Variants in GRIK2 observed in about 807,000 individuals in gnomAD.
GRIK2 encodes the protein glutamate ionotropic receptor kainate type subunit 2.
Under a neutral mutation model 100.3 loss-of-function variants are expected in GRIK2, and 32 were observed. The ratio of observed to expected loss-of-function variants is 0.32; its 90% confidence interval spans 0.24 to 0.43. The LOEUF is 0.43. GRIK2 is among the 20% of genes least tolerant of loss of function. The probability of loss-of-function intolerance (pLI) is 1.00; values close to 1 mark genes in which losing one functional copy is unlikely to be tolerated. For synonymous variants in GRIK2, 417 were observed against 389.4 expected, an observed-to-expected ratio of 1.07 and a Z score of -0.83; for missense variants, 843 against 1,114.9, an observed-to-expected ratio of 0.76 and a Z score of 3.47.
intron 14 of GRIK2, among the ~76,000 whole-genome samples, chr6:102,033,191 TTA>T (rs1392907846): frequency 6.6e-6 from 1 of 151,390 alleles, no homozygotes; most frequent in Non-Finnish European, 1.5e-5. Flanking sequence ...ATGCTAAAAT[TTA>T]TATATGTGTA....
intron 2 of GRIK2, among the ~76,000 whole-genome samples, chr6:101,590,357 A>C (rs543217893): frequency 4.6e-5 from 7 of 152,054 alleles, no homozygotes; most frequent in African/African-American, 1.7e-4. Context: ...GCAGAGGAAA[A>C]GGCTTCTCTT....
intron 2 of GRIK2, among the ~76,000 whole-genome samples, chr6:101,437,702 G>A (rs1280348874): frequency 6.6e-6 from 1 of 152,060 alleles, no homozygotes; most frequent in Non-Finnish European, 1.5e-5. Flanking sequence ...GTGACCATCT[G>A]TCCAGCTTGC....
At chr6:101,449,611 A>G (rs533842994) in intron 2 of GRIK2, among the ~76,000 whole-genome samples, 1 of 151,758 alleles carries the variant, frequency 6.6e-6, no homozygotes, top group Non-Finnish European at 1.5e-5. Flanking sequence ...GGACAAAGAG[A>G]GTATGATCTA....
At chr6:101,922,045 T>C (rs1444917635) in intron 12 of GRIK2, among the ~76,000 whole-genome samples, 1 of 151,918 alleles carries the variant, frequency 6.6e-6, no homozygotes, top group African/African-American at 2.4e-5. Flanking sequence ...AGTGTCAGTG[T>C]TCCCAGATTC....
intron 7 of GRIK2, among the ~76,000 whole-genome samples, chr6:101,797,407 T>G (rs532873343): frequency 1.3e-5 from 2 of 151,786 alleles, no homozygotes; most frequent in Non-Finnish European, 2.9e-5. Flanking sequence ...CTGTGTGATT[T>G]CAATTAGTTC....
chr6:101,547,879 C>G (rs1385230146), intron 2 of GRIK2, among the ~76,000 whole-genome samples: 1 of 152,056 alleles, frequency 6.6e-6, no homozygotes. Context: ...GTTCTAGATC[C>G]CTGAGGAATT....
chr6:101,434,994 A>G (rs1366279601), intron 2 of GRIK2, among the ~76,000 whole-genome samples: 6 of 152,212 alleles, frequency 3.9e-5, no homozygotes, highest in African/African-American at 1.4e-4. Flanking sequence ...TAGGTTGCAC[A>G]AACTGAGCCT....
At chr6:101,587,894 G>A (rs1446405788) in intron 2 of GRIK2, among the ~76,000 whole-genome samples, 1 of 152,090 alleles carries the variant, frequency 6.6e-6, no homozygotes, top group African/African-American at 2.4e-5. Context: ...AGAAGAAATT[G>A]AAACTAGGTG....
intron 2 of GRIK2, among the ~76,000 whole-genome samples, chr6:101,467,499 A>G (rs538072605): frequency 6.6e-6 from 1 of 152,306 alleles, no homozygotes; most frequent in East Asian, 1.9e-4. Flanking sequence ...CCTGGTAAAA[A>G]TGCACAATGA....
chr6:101,916,222 A>G (rs373460088), intron 12 of GRIK2, among the ~76,000 whole-genome samples: 22 of 151,538 alleles, frequency 1.5e-4, no homozygotes, highest in East Asian at 3.9e-4. Context: ...TAAATAAAAA[A>G]TAACATTTAT....
At chr6:101,649,998 G>C (rs1322501116) in intron 4 of GRIK2, among the ~76,000 whole-genome samples, 1 of 152,008 alleles carries the variant, frequency 6.6e-6, no homozygotes, top group African/African-American at 2.4e-5. Flanking sequence ...CACAGTTAAG[G>C]CTCATTAAGT....
Position 102,001,220 on chromosome 6 carries a change from G to A in GRIK2, c.2086-34121G>A, listed in dbSNP as rs1363157514. 4.6e-5 allele frequency among the ~76,000 whole-genome samples: 7 copies of A among 150,812 alleles called. No homozygotes were observed. In the East Asian group the frequency reaches 1.2e-3, roughly 25 times the overall value. ...TTTTTTCATTTTACTTTAAGTTCCG[G>A]GATACATGTGCAGAACGTGCATGTT... On this transcript the variant is annotated intron_variant, in intron 14 of 16. Coordinates refer to ENST00000369134, the MANE Select transcript of GRIK2 (RefSeq NM_021956.5).
intron 12 of GRIK2, among the ~76,000 whole-genome samples, chr6:101,912,219 A>G (rs1489490063): frequency 6.6e-6 from 1 of 151,404 alleles, no homozygotes; most frequent in Non-Finnish European, 1.5e-5. Context: ...ACTTGCACAG[A>G]CATCCTAAAA....
In GRIK2 at chr6:101,506,374, A is replaced by G. The variant is rs921298443; in HGVS notation, c.115+106982A>G. On this transcript the variant is annotated intron_variant, in intron 2 of 16. Coordinates refer to ENST00000369134, the MANE Select transcript of GRIK2 (RefSeq NM_021956.5). ...CTCCTCATTGCCTTAATCCTTTAAT[A>G]TAATATTGAACCCTATAGAATATTT... Among the ~76,000 whole-genome samples, 11 of 152,304 alleles carry G rather than the reference A, an allele frequency of 7.2e-5. 1 individual carries two copies.
At chr6:101,579,118 TCACACA>T (rs145006363) in intron 2 of GRIK2, among the ~76,000 whole-genome samples, 2 of 151,158 alleles carry the variant, frequency 1.3e-5, no homozygotes, top group African/African-American at 4.8e-5. Context: ...ATGCCTGATG[TCACACA>T]CACACACACA....
intron 7 of GRIK2, among the ~76,000 whole-genome samples, chr6:101,763,701 C>T (rs1562367535): frequency 6.6e-6 from 1 of 152,168 alleles, no homozygotes; most frequent in Non-Finnish European, 1.5e-5. Context: ...GTTAATTCAT[C>T]TAAACTTAGT....
At chr6:101,400,486 C>G (rs1204699246) in intron 2 of GRIK2, among the ~76,000 whole-genome samples, 1 of 152,182 alleles carries the variant, frequency 6.6e-6, no homozygotes, top group Non-Finnish European at 1.5e-5. Flanking sequence ...CCATTGTAGG[C>G]ACTTCCTCTG....
chr6:101,405,781 G>A (rs1775562008), intron 2 of GRIK2, among the ~76,000 whole-genome samples: 1 of 152,068 alleles, frequency 6.6e-6, no homozygotes, highest in Non-Finnish European at 1.5e-5. Context: ...TCACATATGA[G>A]ATTATTCACT....
intron 2 of GRIK2, among the ~76,000 whole-genome samples, chr6:101,448,296 T>G (rs1284617153): frequency 1.3e-5 from 2 of 151,700 alleles, no homozygotes; most frequent in Non-Finnish European, 3.0e-5. Context: ...TGTCCATATA[T>G]CTGAGCACCA....
Sources: gnomAD v4.1 joint callset for allele counts (sites outside exome capture counted in the v4.1 genomes callset) on GRCh38, gnomAD v4.1.1 for gene constraint, MANE v1.5 for transcripts, NCBI Gene and HGNC (gene_info 2026-07-23, HGNC 2026-07-21) for gene names.